Variants in C1GALT1 observed in about 807,000 individuals in gnomAD.
C1GALT1 encodes the protein core 1 synthase, glycoprotein-N-acetylgalactosamine 3-beta-galactosyltransferase 1.
Under a neutral mutation model 31.0 loss-of-function variants are expected in C1GALT1, and 11 were observed. The observed-to-expected ratio is 0.36, with a 90% CI of 0.22 to 0.59. The LOEUF is 0.59. Among genes scored for constraint, C1GALT1 ranks in the 20% least tolerant of loss-of-function variants. The probability of loss-of-function intolerance (pLI) is 0.79; values close to 1 mark genes in which losing one functional copy is unlikely to be tolerated. For synonymous variants in C1GALT1, 175 were observed against 143.6 expected (o/e 1.22, Z -1.56); for missense variants, 424 against 425.2 (o/e 1.00, Z 0.03).
chr7:7,189,837 A>C (rs1185999748), intron 1 of C1GALT1, among the ~76,000 whole-genome samples: 1 of 152,144 alleles, frequency 6.6e-6, no homozygotes, highest in Non-Finnish European at 1.5e-5. Flanking sequence ...AATCTTAGAA[A>C]CATTTGAAAT....
rs561062248 is a variant in C1GALT1, at chr7:7,238,886, T to C, written c.852T>C (p.Phe284=). 3.1e-6 allele frequency: 5 copies of C among 1,613,486 alleles called. No homozygotes were observed. The African/African-American group carries it at 6.7e-5, about 22-fold the overall frequency. The stretch of plus-strand genomic sequence containing the variant: ...TTAAAGGTTATCTACCTAGAACGTT[T>C]TGGTACTGGAATTACAACTATTATC... ...HLIKGYLPRT[F]WYWNYNYYPP... is the part of the protein sequence containing the mutation. Residue 284 remains phenylalanine, a synonymous_variant, in exon 3 of 4, where the codon TTT becomes TTC. Transcript: ENST00000436587. The surrounding 1 kb of genome is among the most constrained non-coding windows in gnomAD (Gnocchi z 5.2).
intron 1 of C1GALT1, among the ~76,000 whole-genome samples, chr7:7,223,529 G>C (rs1386937028): frequency 2.0e-5 from 3 of 152,076 alleles, no homozygotes; most frequent in Non-Finnish European, 4.4e-5. Context: ...TTCATTGTAT[G>C]ATTTCTCCAT....
At chr7:7,189,823 C>G (rs1780978851) in intron 1 of C1GALT1, among the ~76,000 whole-genome samples, 1 of 151,970 alleles carries the variant, frequency 6.6e-6, no homozygotes, top group African/African-American at 2.4e-5. Context: ...TTCTAAAATA[C>G]TGAAATCTTA....
Position 7,238,639 on chromosome 7 carries a change from T to A in C1GALT1, c.605T>A (p.Val202Glu). 1 of 1,614,108 alleles carries A rather than the reference T, an allele frequency of 6.2e-7. No homozygotes were observed. The highest frequency in any genetic ancestry group is 8.5e-7 in the Non-Finnish European group (1 of 1,179,976). ...IYFGRRFKPY[V>E]KQGYMSGGAG... ...TTTGGGAGAAGATTTAAGCCTTATGTAAAGCAGGGCTACATGAGTGGAGGA... is the reference window on the plus strand; with the variant it reads ...TTTGGGAGAAGATTTAAGCCTTATGAAAAGCAGGGCTACATGAGTGGAGGA... The change falls in exon 3 of 4, where the codon GTA (valine) becomes GAA (glutamate). Residue 202 changes from valine to glutamate, a missense_variant. Physicochemically the swap from Val to Glu is moderately radical, Grantham distance 121. This residue lies in a region of C1GALT1 where 44 missense variants were observed against 78.3 expected (regional missense o/e 0.56). Coordinates refer to ENST00000436587, the MANE Select transcript of C1GALT1 (RefSeq NM_020156.5). The surrounding 1 kb of genome is among the most constrained non-coding windows in gnomAD (Gnocchi z 5.2).
chr7:7,182,838 G>A lies in C1GALT1; in HGVS notation c.-18+18G>A. Reference sequence around the variant, plus strand: ...GATGTCAGGTATGGCCGGCGGAGGCGCCCTCAGGCTACGGGTCCAAGGTCT... The same window carrying A: ...GATGTCAGGTATGGCCGGCGGAGGCACCCTCAGGCTACGGGTCCAAGGTCT... On this transcript the variant is annotated intron_variant, in intron 1 of 3. Coordinates refer to ENST00000436587, the MANE Select transcript of C1GALT1 (RefSeq NM_020156.5). The A allele has an allele frequency of 1.0e-6, 1 of 985,478 alleles. No individual in the cohort carries two copies. The highest frequency in any genetic ancestry group is 1.2e-6 in the Non-Finnish European group (1 of 830,070). The allele number at this position is 985,478 out of a possible 1,614,324, so 61.0% of individuals were successfully genotyped here. A position where few individuals can be genotyped will look rare whatever the true frequency, so the allele number is the denominator to read the frequency against.
In C1GALT1 at chr7:7,244,367, T is replaced by C. The variant is rs1226300071; in HGVS notation, c.*640T>C. 1.3e-5 allele frequency: 2 copies of C among 152,170 alleles called. No homozygotes were observed. The highest frequency in any genetic ancestry group is 1.9e-4 in the East Asian group (1 of 5,202). The allele number at this position is 152,170 out of a possible 1,614,324, so 9.4% of individuals were successfully genotyped here. On this transcript the variant is annotated 3_prime_UTR_variant, in exon 4 of 4. Coordinates refer to ENST00000436587, the MANE Select transcript of C1GALT1 (RefSeq NM_020156.5). Reference sequence around the variant, plus strand: ...TTAAAATTATCATGGGCCTTGACTATATTATATACTTGATTCTAATTAGTC... The same window carrying C: ...TTAAAATTATCATGGGCCTTGACTACATTATATACTTGATTCTAATTAGTC...
At chr7:7,161,081 G>A (rs1209212627) in intron 2 of C1GALT1, among the ~76,000 whole-genome samples, 1 of 151,978 alleles carries the variant, frequency 6.6e-6, no homozygotes, top group South Asian at 2.1e-4. Context: ...GACTACTTGT[G>A]TACTGACATG....
At chr7:7,183,663 C>G (rs1332937835) in intron 1 of C1GALT1, 3 of 905,892 alleles carry the variant, frequency 3.3e-6, no homozygotes, top group Non-Finnish European at 2.6e-6. Context: ...TGGTCCTTAC[C>G]GTCTCCCCAC....
intron 1 of C1GALT1, among the ~76,000 whole-genome samples, chr7:7,194,774 A>G (rs556151033): frequency 1.3e-5 from 2 of 152,012 alleles, no homozygotes; most frequent in African/African-American, 4.8e-5. Context: ...TGAATATTGG[A>G]TAGAATTTAG....
At chr7:7,185,868 T>C (rs1257648166) in intron 1 of C1GALT1, among the ~76,000 whole-genome samples, 1 of 152,250 alleles carries the variant, frequency 6.6e-6, no homozygotes, top group African/African-American at 2.4e-5. Flanking sequence ...CATTATAGAC[T>C]GAATCAGAGG....
At chr7:7,225,650 A>G (rs1453558172) in intron 1 of C1GALT1, among the ~76,000 whole-genome samples, 2 of 152,198 alleles carry the variant, frequency 1.3e-5, no homozygotes, top group Non-Finnish European at 2.9e-5. Flanking sequence ...ATATAGAGAA[A>G]CATTTGAGTT....
chr7:7,182,317 C>T (rs1700714163), upstream of C1GALT1, among the ~76,000 whole-genome samples: 1 of 152,190 alleles, frequency 6.6e-6, no homozygotes, highest in South Asian at 2.1e-4. Flanking sequence ...TAGTGCATAA[C>T]CTTACAGCAG....
At chr7:7,192,719 G>C (rs1781128573) in intron 1 of C1GALT1, among the ~76,000 whole-genome samples, 3 of 152,048 alleles carry the variant, frequency 2.0e-5, no homozygotes, top group Admixed American at 1.3e-4. Context: ...GGTTCCTTAA[G>C]GAATCTCCAC....
At chr7:7,164,391 T>A (rs182457075) in intron 2 of C1GALT1, among the ~76,000 whole-genome samples, 1 of 152,178 alleles carries the variant, frequency 6.6e-6, no homozygotes, top group East Asian at 1.9e-4. Context: ...TCAAATTCTA[T>A]AACCTATTGA....
Position 7,238,561 on chromosome 7 carries a change from T to C in C1GALT1, c.527T>C (p.Leu176Pro), listed in dbSNP as rs377075847. Residue 176 changes from leucine (L) to proline (P), a missense_variant, in exon 3 of 4, where the codon CTA becomes CCA. By Grantham distance (98) the Leu-to-Pro change is moderately conservative. This residue lies in a region of C1GALT1 where 44 missense variants were observed against 78.3 expected (regional missense o/e 0.56). Transcript: ENST00000436587. The surrounding 1 kb of genome is among the most constrained non-coding windows in gnomAD (Gnocchi z 5.2). ...LKADDDTYVI[L>P]DNLRWLLSKY... ...GCAGATGATGACACGTATGTCATAC[T>C]AGACAATTTGAGGTGGCTTCTTTCA... The C allele has an allele frequency of 8.7e-6, 14 of 1,614,024 alleles. No homozygotes were observed. Among genetic ancestry groups the C allele is most frequent in the Admixed American group, 3.3e-5 (2 of 60,006 alleles).
At chr7:7,215,215 T>A (rs1456695862) in intron 1 of C1GALT1, among the ~76,000 whole-genome samples, 1 of 152,098 alleles carries the variant, frequency 6.6e-6, no homozygotes, top group Non-Finnish European at 1.5e-5. Context: ...GCTTACGGAG[T>A]CCTGGGCCTG....
At chr7:7,240,927 A>T (rs1320394289) in intron 3 of C1GALT1, among the ~76,000 whole-genome samples, 5 of 152,052 alleles carry the variant, frequency 3.3e-5, no homozygotes, top group Non-Finnish European at 7.4e-5. Context: ...TTATCTAGCA[A>T]GTCAGGGTAA....
chr7:7,218,836 AT>A (rs1281043126), intron 1 of C1GALT1, among the ~76,000 whole-genome samples: 255 of 141,844 alleles, frequency 1.8e-3, no homozygotes, highest in Middle Eastern at 3.7e-3. Context: ...CCGTGTTTCT[AT>A]TTTTTTTTTT....
chr7:7,218,808 A>G (rs948731134), intron 1 of C1GALT1, among the ~76,000 whole-genome samples: 5 of 151,868 alleles, frequency 3.3e-5, no homozygotes, highest in Non-Finnish European at 7.4e-5. Flanking sequence ...TTAAAATCAA[A>G]TTGGTATACA....
Sources: allele counts gnomAD v4.1 joint callset (sites outside exome capture counted in the v4.1 genomes callset), GRCh38; gene constraint gnomAD v4.1.1; regional missense constraint gnomAD v4.1.1; non-coding constraint Gnocchi (gnomAD v3.1); transcripts MANE v1.5; gene names NCBI Gene and HGNC (gene_info 2026-07-23, HGNC 2026-07-21).